RHOBTB1: variants seen among roughly 807,000 people sequenced by gnomAD.
RHOBTB1 encodes the protein Rho related BTB domain containing 1, also known as rho-related BTB domain-containing protein 1.
A neutral mutation model predicts 71.6 loss-of-function variants in RHOBTB1; 40 were observed. The ratio of observed to expected loss-of-function variants is 0.56; its 90% CI spans 0.43 to 0.73. The LOEUF (loss-of-function observed/expected upper bound fraction) is 0.73. Among genes scored for constraint, RHOBTB1 ranks in the 30% least tolerant of loss-of-function variants. RHOBTB1 has a pLI of 0.00. For missense variants in RHOBTB1, 797 were observed against 894.0 expected (o/e 0.89, Z 1.38); for synonymous variants, 319 against 334.9 (o/e 0.95, Z 0.52).
intron 2 of RHOBTB1, among the ~76,000 whole-genome samples, chr10:60,930,648 A>G (rs866119914): frequency 6.6e-6 from 1 of 152,180 alleles, no homozygotes; most frequent in African/African-American, 2.4e-5. Flanking sequence ...CTGCTTATGA[A>G]TAGAGAGGCA....
intron 1 of RHOBTB1, among the ~76,000 whole-genome samples, chr10:60,991,677 C>T (rs1036302462): frequency 1.3e-4 from 20 of 152,122 alleles, no homozygotes; most frequent in African/African-American, 3.6e-4. Flanking sequence ...GTGATCCACC[C>T]GCCTCAGCCT....
the RHOBTB1 span, among the ~76,000 whole-genome samples, chr10:60,861,490 C>T: frequency 6.6e-6 from 1 of 152,180 alleles, no homozygotes; most frequent in African/African-American, 2.4e-5. Context: ...GGCAGGCTTT[C>T]ACTTCCTGGG....
At chr10:60,873,022 A>G (rs1462471948) in intron 9 of RHOBTB1, among the ~76,000 whole-genome samples, 1 of 152,148 alleles carries the variant, frequency 6.6e-6, no homozygotes, top group Non-Finnish European at 1.5e-5. Flanking sequence ...TTCTTTGGTC[A>G]GGTGGATCCC....
At chr10:60,987,919 C>CTTTTTTTTTT (rs71018937) in intron 1 of RHOBTB1, among the ~76,000 whole-genome samples, 5 of 53,738 alleles carry the variant, frequency 9.3e-5, no homozygotes, top group African/African-American at 2.9e-4. Flanking sequence ...AAATACTCAA[C>CTTTTTTTTTT]TTTTTTTTTT....
chr10:60,871,343 AC>A lies in RHOBTB1; in HGVS notation c.*138del. 1 of 777,756 alleles carries A rather than the reference AC, an allele frequency of 1.3e-6. No homozygotes were observed. The allele number at this position is 777,756 out of a possible 1,614,324, so 48.2% of individuals were successfully genotyped here. ...CTTTGATCCTAACAAAGATAAATGC[AC>A]AAAAGTGGAGGAAGATCAGTGCCCG... On this transcript the variant is annotated 3_prime_UTR_variant, in exon 11 of 11. Transcript: ENST00000337910.
intron 1 of RHOBTB1, among the ~76,000 whole-genome samples, chr10:60,989,379 T>C (rs770265653): frequency 1.4e-4 from 22 of 152,250 alleles, no homozygotes; most frequent in Non-Finnish European, 2.8e-4. Flanking sequence ...TATTTTATGG[T>C]AGATTTTCCA....
chr10:60,952,960 C>A (rs531717080), intron 2 of RHOBTB1, among the ~76,000 whole-genome samples: 1 of 152,080 alleles, frequency 6.6e-6, no homozygotes, highest in Non-Finnish European at 1.5e-5. Flanking sequence ...GGAAAACACA[C>A]AACGCAAGCT....
At chr10:60,911,701 A>T in intron 2 of RHOBTB1, 149 bp from the exon 3 acceptor site, 1 of 662,728 alleles carries the variant, frequency 1.5e-6, no homozygotes. Flanking sequence ...GTTCGTACTA[A>T]GCCTAATTGA....
chr10:60,956,626 A>C (rs1226955742), intron 2 of RHOBTB1, among the ~76,000 whole-genome samples: 1 of 152,108 alleles, frequency 6.6e-6, no homozygotes, highest in Non-Finnish European at 1.5e-5. Flanking sequence ...TATTATTTTT[A>C]AAAGTGTTTT....
At chr10:60,900,028 A>G (rs190453354) in intron 4 of RHOBTB1, among the ~76,000 whole-genome samples, 1 of 152,284 alleles carries the variant, frequency 6.6e-6, no homozygotes, top group East Asian at 1.9e-4. Flanking sequence ...CAAAGGCCCG[A>G]GGTAGGAGCC....
chr10:60,969,679 C>A (rs549050960), intron 2 of RHOBTB1, among the ~76,000 whole-genome samples: 56 of 152,110 alleles, frequency 3.7e-4, no homozygotes, highest in Non-Finnish European at 6.8e-4. Context: ...TTTAGCATCA[C>A]TTCAGTTGTC....
intron 1 of RHOBTB1, among the ~76,000 whole-genome samples, chr10:60,998,604 A>G (rs2087142156): frequency 6.6e-6 from 1 of 152,190 alleles, no homozygotes; most frequent in African/African-American, 2.4e-5. Flanking sequence ...AAGGAAGAAA[A>G]GAAGAAAAAC....
intron 2 of RHOBTB1, among the ~76,000 whole-genome samples, chr10:60,970,651 C>T (rs1048220577): frequency 2.0e-5 from 3 of 151,992 alleles, no homozygotes; most frequent in Admixed American, 1.3e-4. Context: ...ACAATAGAAA[C>T]GTTACCAAAC....
At chr10:61,000,279 C>T (rs1017601759) in intron 1 of RHOBTB1, among the ~76,000 whole-genome samples, 1 of 152,132 alleles carries the variant, frequency 6.6e-6, no homozygotes, top group Non-Finnish European at 1.5e-5. Context: ...ATTTTTGATA[C>T]CTACTTCTTC....
chr10:60,951,921 G>A (rs1220316953), intron 2 of RHOBTB1, among the ~76,000 whole-genome samples: 2 of 152,092 alleles, frequency 1.3e-5, no homozygotes, highest in African/African-American at 2.4e-5. Flanking sequence ...AGCCGGGCAT[G>A]CTGGCAGGCA....
At chr10:60,887,760 T>C (rs929903072) in intron 6 of RHOBTB1, among the ~76,000 whole-genome samples, 1 of 152,220 alleles carries the variant, frequency 6.6e-6, no homozygotes, top group Non-Finnish European at 1.5e-5. Flanking sequence ...CATGGGTCAG[T>C]GCTGAAGGGT....
chr10:60,987,111 A>C (rs2086693178), intron 1 of RHOBTB1, among the ~76,000 whole-genome samples: 1 of 152,196 alleles, frequency 6.6e-6, no homozygotes, highest in African/African-American at 2.4e-5. Flanking sequence ...GAAAGAGAAA[A>C]GGCACAACCT....
intron 2 of RHOBTB1, among the ~76,000 whole-genome samples, chr10:60,928,079 A>G (rs1276831559): frequency 6.6e-6 from 1 of 152,192 alleles, no homozygotes; most frequent in Non-Finnish European, 1.5e-5. Flanking sequence ...AATGCTCAAC[A>G]TCATTCGTCA....
chr10:60,945,777 A>G (rs570044648), upstream of RHOBTB1, among the ~76,000 whole-genome samples: 46 of 152,336 alleles, frequency 3.0e-4, 1 homozygote, highest in African/African-American at 1.1e-3. Flanking sequence ...AAATGGAGTT[A>G]CCAAGGCCCT....
Sources: allele counts gnomAD v4.1 joint callset (sites outside exome capture counted in the v4.1 genomes callset), GRCh38; gene constraint gnomAD v4.1.1; transcripts MANE v1.5; gene names NCBI Gene and HGNC (gene_info 2026-07-23, HGNC 2026-07-21).